SAMD4A: variants seen among roughly 807,000 people sequenced by gnomAD.
The protein encoded by SAMD4A is protein Smaug homolog 1.
A neutral mutation model predicts 81.3 loss-of-function variants in SAMD4A; 33 were observed. That is an observed-to-expected ratio of 0.41 (90% CI 0.31 to 0.54). The LOEUF (loss-of-function observed/expected upper bound fraction) is 0.54. SAMD4A is among the 20% of genes least tolerant of loss of function. The pLI is 0.37. For missense variants in SAMD4A, 854 were observed against 951.1 expected (o/e 0.90, Z 1.34); for synonymous variants, 389 against 382.1 (o/e 1.02, Z -0.21).
chr14:54,659,362 G>T (rs575046501), intron 2 of SAMD4A, among the ~76,000 whole-genome samples: 1 of 152,276 alleles, frequency 6.6e-6, no homozygotes, highest in East Asian at 1.9e-4. Context: ...TTCCCTTGGT[G>T]GTATCCATTC....
Position 54,568,068 on chromosome 14 carries a change from A to G in SAMD4A, c.152A>G (p.Asp51Gly), listed in dbSNP as rs773679270. The change falls in exon 2 of 13, where the codon GAC becomes GGC. Residue 51 changes from aspartate to glycine, a missense_variant. Transcript: ENST00000554335. Reference protein sequence around the residue: ...LQLCLEHSLADCAELHVLERE... With the variant: ...LQLCLEHSLAGCAELHVLERE... The stretch of plus-strand genomic sequence containing the variant: ...CTCTGCCTGGAGCACTCGCTGGCCG[A>G]CTGCGCCGAGCTGCACGTCCTCGAA... 6 of 1,588,430 alleles carry G rather than the reference A, an allele frequency of 3.8e-6. No individual in the cohort carries two copies. The highest frequency in any genetic ancestry group is 5.1e-6 in the Non-Finnish European group (6 of 1,174,702).
intron 2 of SAMD4A, among the ~76,000 whole-genome samples, chr14:54,581,247 T>G (rs910124534): frequency 1.3e-5 from 2 of 152,258 alleles, no homozygotes; most frequent in African/African-American, 4.8e-5. Flanking sequence ...AGAGCGACAT[T>G]ATTCTCAAAG....
intron 2 of SAMD4A, among the ~76,000 whole-genome samples, chr14:54,592,199 C>T (rs2033796086): frequency 6.6e-5 from 10 of 152,098 alleles, no homozygotes; most frequent in Admixed American, 6.5e-4. Flanking sequence ...AGAACTCCTT[C>T]AACACTTATC....
intron 2 of SAMD4A, among the ~76,000 whole-genome samples, chr14:54,588,411 C>CT (rs1187613623): frequency 4.6e-5 from 7 of 151,502 alleles, no homozygotes; most frequent in Non-Finnish European, 7.4e-5. Context: ...TTTGTTATTT[C>CT]TTTTTTTCTG....
intron 3 of SAMD4A, among the ~76,000 whole-genome samples, chr14:54,731,427 G>A (rs748436786): frequency 3.9e-5 from 6 of 152,168 alleles, no homozygotes; most frequent in Non-Finnish European, 7.3e-5. Context: ...TAAGTATGTG[G>A]ACACACAGCA....
chr14:54,769,771 A>G (rs2038652011), intron 8 of SAMD4A, among the ~76,000 whole-genome samples: 1 of 152,198 alleles, frequency 6.6e-6, no homozygotes. Context: ...TCAACAATCA[A>G]TTTTGCAATT....
intron 2 of SAMD4A, among the ~76,000 whole-genome samples, chr14:54,630,382 A>C (rs533216192): frequency 6.6e-6 from 1 of 152,308 alleles, no homozygotes; most frequent in East Asian, 1.9e-4. Flanking sequence ...ATCCCAATGA[A>C]TATGAGATGA....
upstream of SAMD4A, among the ~76,000 whole-genome samples, chr14:54,565,705 G>A (rs2032907682): frequency 6.6e-6 from 1 of 152,094 alleles, no homozygotes; most frequent in Admixed American, 6.5e-5. The surrounding 1 kb of genome is among the most constrained non-coding windows in gnomAD (Gnocchi z 5.4). Context: ...AGCAGCGGGT[G>A]GCAGCACCGC....
intron 3 of SAMD4A, among the ~76,000 whole-genome samples, chr14:54,732,863 C>T (rs1594872102): frequency 6.6e-6 from 1 of 152,128 alleles, no homozygotes; most frequent in Non-Finnish European, 1.5e-5. Flanking sequence ...AGTTAATTTT[C>T]CTTAAAGAGT....
At chr14:54,637,055 G>A (rs974043378) in intron 2 of SAMD4A, among the ~76,000 whole-genome samples, 1 of 152,060 alleles carries the variant, frequency 6.6e-6, no homozygotes, top group African/African-American at 2.4e-5. Context: ...TAAGAACTGA[G>A]TCATTTCAAC....
rs572562397 is a variant in SAMD4A, at chr14:54,629,276, G to A, written c.196+61164G>A. Among the ~76,000 whole-genome samples the A allele has an allele frequency of 3.3e-5, 5 of 152,272 alleles. No homozygotes were observed. In the South Asian group the frequency reaches 1.0e-3, roughly 32 times the overall value. ...CGACAGATTCTACTTAGTGTCTCAG[G>A]GAGAGCATGGCCCTGCTGACACATC... On this transcript the variant is annotated intron_variant, in intron 2 of 12. Coordinates refer to ENST00000554335, the MANE Select transcript of SAMD4A (RefSeq NM_015589.6).
chr14:54,657,133 T>C (rs1489110223), intron 2 of SAMD4A, among the ~76,000 whole-genome samples: 4 of 152,312 alleles, frequency 2.6e-5, no homozygotes, highest in South Asian at 4.1e-4. Context: ...CATTTTTCAA[T>C]TTCCTCACTA....
intron 3 of SAMD4A, among the ~76,000 whole-genome samples, chr14:54,730,989 A>G (rs565116753): frequency 1.3e-5 from 2 of 152,302 alleles, no homozygotes; most frequent in East Asian, 1.9e-4. Context: ...AATGCCTGGA[A>G]TTATTTATAC....
chr14:54,643,482 T>C (rs2035218851), intron 2 of SAMD4A, among the ~76,000 whole-genome samples: 1 of 152,198 alleles, frequency 6.6e-6, no homozygotes, highest in African/African-American at 2.4e-5. Context: ...AGCCTTGAGC[T>C]AGGAGGTCTC....
chr14:54,752,337 C>T (rs1248195706), intron 6 of SAMD4A, among the ~76,000 whole-genome samples: 1 of 152,116 alleles, frequency 6.6e-6, no homozygotes, highest in African/African-American at 2.4e-5. Context: ...AAGTGTGAAC[C>T]AGCATTGCTT....
At chr14:54,578,944 C>T (rs898314971) in intron 2 of SAMD4A, among the ~76,000 whole-genome samples, 2 of 152,106 alleles carry the variant, frequency 1.3e-5, no homozygotes, top group African/African-American at 2.4e-5. Flanking sequence ...TCTTTTGGGT[C>T]ACCCAAAAGC....
intron 2 of SAMD4A, among the ~76,000 whole-genome samples, chr14:54,692,293 G>A (rs1000238078): frequency 2.6e-5 from 4 of 152,152 alleles, no homozygotes; most frequent in Admixed American, 1.3e-4. Context: ...CCTGTTGTGT[G>A]GCATGGCTGT....
intron 2 of SAMD4A, among the ~76,000 whole-genome samples, chr14:54,611,199 T>C (rs1293022555): frequency 6.6e-6 from 1 of 152,208 alleles, no homozygotes; most frequent in Non-Finnish European, 1.5e-5. Flanking sequence ...GAAGAATTAA[T>C]GTTAATAATG....
intron 3 of SAMD4A, among the ~76,000 whole-genome samples, chr14:54,732,209 A>T (rs1277306375): frequency 6.6e-6 from 1 of 152,180 alleles, no homozygotes; most frequent in Non-Finnish European, 1.5e-5. Flanking sequence ...TTGTATTTCA[A>T]ATCTGCTGAT....
Sources: allele counts gnomAD v4.1 joint callset (sites outside exome capture counted in the v4.1 genomes callset), GRCh38; gene constraint gnomAD v4.1.1; non-coding constraint Gnocchi (gnomAD v3.1); transcripts MANE v1.5; gene names NCBI Gene and HGNC (gene_info 2026-07-23, HGNC 2026-07-21).